TMEM163: variants seen among roughly 807,000 people sequenced by gnomAD.
TMEM163 encodes transmembrane protein 163.
TMEM163 carries 17 observed loss-of-function variants against 29.3 expected under a neutral mutation model. The ratio of observed to expected loss-of-function variants is 0.58; its 90% CI spans 0.40 to 0.87. TMEM163 has a LOEUF of 0.87. Ranked by LOEUF, TMEM163 falls within the 40% of genes least tolerant of loss-of-function variation. The pLI, the probability that TMEM163 is intolerant of heterozygous loss-of-function variation, is 0.00. For synonymous variants in TMEM163, 157 were observed against 160.6 expected (o/e 0.98, Z 0.17); for missense variants, 303 against 381.5 (o/e 0.79, Z 1.71).
intron 5 of TMEM163, among the ~76,000 whole-genome samples, chr2:134,480,566 C>T (rs1032268822): frequency 6.6e-6 from 1 of 152,150 alleles, no homozygotes; most frequent in Non-Finnish European, 1.5e-5. Context: ...ATAGAACATT[C>T]CCATGACCAC....
At chr2:134,551,822 T>C (rs1446884223) in intron 3 of TMEM163, among the ~76,000 whole-genome samples, 1 of 152,234 alleles carries the variant, frequency 6.6e-6, no homozygotes, top group East Asian at 1.9e-4. Context: ...AACCACGTTG[T>C]GGGAAATGTG....
chr2:134,574,173 G>T (rs1267520679), intron 2 of TMEM163, among the ~76,000 whole-genome samples: 1 of 152,070 alleles, frequency 6.6e-6, no homozygotes, highest in African/African-American at 2.4e-5. Flanking sequence ...CAACAGAGCG[G>T]GTGCATACTA....
chr2:134,558,242 T>C (rs1681091348), intron 2 of TMEM163, among the ~76,000 whole-genome samples: 1 of 152,146 alleles, frequency 6.6e-6, no homozygotes, highest in South Asian at 2.1e-4. Context: ...GGAAGTACAG[T>C]GGTGGACCAA....
chr2:134,565,585 G>A lies in TMEM163; in HGVS notation c.323-13494C>T, dbSNP rs143059721. 1.1e-3 allele frequency among the ~76,000 whole-genome samples: 165 copies of A among 151,386 alleles called. 1 individual carries two copies. In the East Asian group the frequency reaches 0.026, roughly 24 times the overall value. ...TGAGCCACTGCACTCCAGCCTGAGC[G>A]ACTGAGGGCAAGACTCTGTCTCCAG... On this transcript the variant is annotated intron_variant, in intron 2 of 7. Transcript: ENST00000281924.
rs368943251 is a variant in TMEM163 at position 134,497,560 on chromosome 2, T to C, written c.555+5341A>G. Among the ~76,000 whole-genome samples the C allele has an allele frequency of 3.1e-4, 47 of 152,330 alleles. No individual in the cohort carries two copies. In the South Asian group the frequency reaches 9.5e-3, roughly 31 times the overall value. ...GATAGCTCAAGGGCAAGGACGGGAC[T>C]TCTAGAACCTTAAATTTAGAAACAA... On this transcript the variant is annotated intron_variant, in intron 5 of 7. Coordinates refer to ENST00000281924, the MANE Select transcript of TMEM163 (RefSeq NM_030923.5).
intron 4 of TMEM163, among the ~76,000 whole-genome samples, chr2:134,510,279 G>A (rs1679917655): frequency 6.6e-6 from 1 of 152,206 alleles, no homozygotes; most frequent in South Asian, 2.1e-4. Context: ...TTCATAAAAG[G>A]ATAGGATAGC....
intron 2 of TMEM163, among the ~76,000 whole-genome samples, chr2:134,553,390 CCAAA>C (rs952763029): frequency 9.9e-5 from 15 of 152,168 alleles, no homozygotes; most frequent in African/African-American, 3.6e-4. Flanking sequence ...CCACTGTGAA[CCAAA>C]CAGAGTTCAT....
At chr2:134,539,886 A>C (rs1365434601) in intron 4 of TMEM163, among the ~76,000 whole-genome samples, 1 of 152,206 alleles carries the variant, frequency 6.6e-6, no homozygotes, top group Non-Finnish European at 1.5e-5. Context: ...ATCCCCACTG[A>C]CCAAGGTGGC....
chr2:134,632,741 CTT>C (rs1049305109), intron 2 of TMEM163, among the ~76,000 whole-genome samples: 2 of 143,206 alleles, frequency 1.4e-5, no homozygotes. Flanking sequence ...GCCCTATGTT[CTT>C]TTTTTTTTTT....
intron 2 of TMEM163, among the ~76,000 whole-genome samples, chr2:134,589,909 G>C (rs1681903928): frequency 6.6e-6 from 1 of 152,162 alleles, no homozygotes; most frequent in Admixed American, 6.5e-5. Context: ...ATTGTGAACA[G>C]CACACTGGTA....
At chr2:134,683,715 G>T (rs948695442) in intron 2 of TMEM163, among the ~76,000 whole-genome samples, 2 of 152,164 alleles carry the variant, frequency 1.3e-5, no homozygotes, top group African/African-American at 4.8e-5. Context: ...TTTAGTAGAC[G>T]CTGGGAGGGA....
At chr2:134,522,062 T>A (rs549177208) in intron 4 of TMEM163, among the ~76,000 whole-genome samples, 1 of 152,308 alleles carries the variant, frequency 6.6e-6, no homozygotes, top group South Asian at 2.1e-4. Context: ...CTCCGAAGCA[T>A]GCCCTGAGGC....
At chr2:134,493,362 CTTTTTTTT>C (rs1159013721) in intron 5 of TMEM163, among the ~76,000 whole-genome samples, 47 of 49,848 alleles carry the variant, frequency 9.4e-4, no homozygotes, top group South Asian at 3.6e-3. Flanking sequence ...CTTTTGGTGT[CTTTTTTTT>C]TTTTTTTTTT....
At chr2:134,534,129 TG>T (rs1680476823) in intron 4 of TMEM163, among the ~76,000 whole-genome samples, 1 of 151,980 alleles carries the variant, frequency 6.6e-6, no homozygotes, top group Admixed American at 6.6e-5. Context: ...CAGCTCAGGG[TG>T]GGCTGAATTG....
intron 4 of TMEM163, among the ~76,000 whole-genome samples, chr2:134,515,828 C>T (rs1680045358): frequency 6.6e-6 from 1 of 152,134 alleles, no homozygotes; most frequent in Non-Finnish European, 1.5e-5. Context: ...AGACTTTGTT[C>T]CCTTCTACTT....
intron 2 of TMEM163, among the ~76,000 whole-genome samples, chr2:134,626,094 CTTTTTTTTTTTT>C (rs146008537): frequency 1.8e-4 from 12 of 66,260 alleles, no homozygotes; most frequent in African/African-American, 6.8e-4. Flanking sequence ...ACTTTTCCAG[CTTTTTTTTTTTT>C]TTTTTTTTTT....
intron 2 of TMEM163, among the ~76,000 whole-genome samples, chr2:134,664,975 C>T (rs1574322669): frequency 6.6e-6 from 1 of 152,058 alleles, no homozygotes; most frequent in Non-Finnish European, 1.5e-5. Context: ...CCGGCTCAAG[C>T]GATCCTCCCA....
chr2:134,584,271 A>C (rs1048799702), intron 2 of TMEM163, among the ~76,000 whole-genome samples: 3 of 152,232 alleles, frequency 2.0e-5, no homozygotes, highest in Non-Finnish European at 4.4e-5. Context: ...GAAATGAAGA[A>C]CATAAACAGA....
chr2:134,642,334 C>T (rs1683239516), intron 2 of TMEM163, among the ~76,000 whole-genome samples: 2 of 152,018 alleles, frequency 1.3e-5, no homozygotes, highest in Admixed American at 1.3e-4. Context: ...TTCATCATGT[C>T]GGCCAGGTTG....
Sources: allele counts gnomAD v4.1 joint callset (sites outside exome capture counted in the v4.1 genomes callset), GRCh38; gene constraint gnomAD v4.1.1; transcripts MANE v1.5; gene names NCBI Gene and HGNC (gene_info 2026-07-23, HGNC 2026-07-21).